Variants in TFDP2 observed in about 807,000 individuals in gnomAD.
The protein encoded by TFDP2 is transcription factor Dp-2.
In TFDP2, 17 loss-of-function variants were observed where a neutral mutation model predicts 59.3. The observed-to-expected ratio is 0.29, with a 90% confidence interval of 0.20 to 0.43. TFDP2 has a LOEUF of 0.43. Among genes scored for constraint, TFDP2 ranks in the 20% least tolerant of loss-of-function variants. TFDP2 has a pLI of 1.00. For missense variants in TFDP2, 391 were observed against 528.8 expected, an observed-to-expected ratio of 0.74 and a Z score of 2.56; for synonymous variants, 180 against 194.7, an observed-to-expected ratio of 0.92 and a Z score of 0.63.
At chr3:142,020,576 T>C (rs925332610) in intron 3 of TFDP2, among the ~76,000 whole-genome samples, 3 of 151,472 alleles carry the variant, frequency 2.0e-5, no homozygotes, top group African/African-American at 4.9e-5. Context: ...TCAGGCTCTG[T>C]AGGTCAACAG....
intron 6 of TFDP2, among the ~76,000 whole-genome samples, chr3:141,988,644 A>G (rs182171249): frequency 6.6e-5 from 10 of 150,858 alleles, no homozygotes; most frequent in African/African-American, 2.4e-4. Flanking sequence ...ATCTTGAAGA[A>G]CTGTTTTTAG....
chr3:142,135,570 G>C (rs1406573968), intron 1 of TFDP2, among the ~76,000 whole-genome samples: 1 of 151,890 alleles, frequency 6.6e-6, no homozygotes, highest in Non-Finnish European at 1.5e-5. Flanking sequence ...CCCACCCCAT[G>C]ACAGGCCCTG....
intron 4 of TFDP2, among the ~76,000 whole-genome samples, chr3:141,999,315 A>G (rs895993465): frequency 2.6e-5 from 4 of 152,262 alleles, no homozygotes; most frequent in African/African-American, 9.6e-5. Context: ...ACATATTAAC[A>G]TATGAAATAA....
At chr3:142,092,496 T>A (rs2108617725) in intron 3 of TFDP2, among the ~76,000 whole-genome samples, 1 of 152,162 alleles carries the variant, frequency 6.6e-6, no homozygotes, top group African/African-American at 2.4e-5. Flanking sequence ...CCGGCTAAGT[T>A]TTTGTAAAGA....
intron 4 of TFDP2, among the ~76,000 whole-genome samples, chr3:141,999,813 G>A (rs1252184320): frequency 6.6e-6 from 1 of 150,664 alleles, no homozygotes; most frequent in Non-Finnish European, 1.5e-5. Context: ...TCAGCTCACT[G>A]CAAGCTCCGC....
At chr3:142,018,602 A>G (rs1945328598) in intron 3 of TFDP2, among the ~76,000 whole-genome samples, 1 of 151,860 alleles carries the variant, frequency 6.6e-6, no homozygotes, top group African/African-American at 2.4e-5. Flanking sequence ...ACGCCACCAC[A>G]TCCAGCTAAT....
At chr3:142,015,540 G>C (rs1560035795) in intron 3 of TFDP2, among the ~76,000 whole-genome samples, 1 of 152,148 alleles carries the variant, frequency 6.6e-6, no homozygotes, top group Non-Finnish European at 1.5e-5. Flanking sequence ...AGTCCCGCAA[G>C]CTGGATCTTT....
Position 141,945,881 on chromosome 3 carries a change from G to A in TFDP2, c.*6632C>T, listed in dbSNP as rs1293949943. The A allele has an allele frequency of 6.6e-6, 1 of 152,236 alleles. No homozygotes were observed. Among genetic ancestry groups the A allele is most frequent in the Non-Finnish European group, 1.5e-5 (1 of 68,052 alleles). 9.4% of individuals were successfully genotyped at this position (152,236 alleles called of 1,614,324 possible). A position where few individuals can be genotyped will look rare whatever the true frequency, so the allele number is the denominator to read the frequency against. On this transcript the variant is annotated 3_prime_UTR_variant, in exon 13 of 13. Coordinates refer to ENST00000489671, the MANE Select transcript of TFDP2 (RefSeq NM_001178139.2). Reference sequence around the variant, plus strand: ...CAGCACCAGCTGGTGTGGTGTGGAAGGACCAGTTGGTCACTGAACTTCTTG... The same window carrying A: ...CAGCACCAGCTGGTGTGGTGTGGAAAGACCAGTTGGTCACTGAACTTCTTG...
intron 9 of TFDP2, among the ~76,000 whole-genome samples, chr3:141,966,347 AT>A (rs1229669280): frequency 6.6e-6 from 1 of 151,480 alleles, no homozygotes; most frequent in Non-Finnish European, 1.5e-5. Flanking sequence ...TAATTTTTGC[AT>A]TTTTAGTAGA....
chr3:142,049,085 A>AG (rs1176771781), intron 3 of TFDP2, among the ~76,000 whole-genome samples: 1 of 152,246 alleles, frequency 6.6e-6, no homozygotes, highest in Non-Finnish European at 1.5e-5. Context: ...CTCTGAAAAT[A>AG]GTGAGAGAAA....
intron 6 of TFDP2, among the ~76,000 whole-genome samples, chr3:141,981,623 T>C (rs902127804): frequency 1.9e-4 from 29 of 152,336 alleles, no homozygotes; most frequent in African/African-American, 7.0e-4. Flanking sequence ...TTTGAAATAA[T>C]GTGAAATCAC....
chr3:142,029,343 CT>C (rs200891038), intron 3 of TFDP2, among the ~76,000 whole-genome samples: 196 of 142,766 alleles, frequency 1.4e-3, no homozygotes, highest in Middle Eastern at 3.6e-3. Context: ...CTTAGTTGTG[CT>C]TTTTTTTTTT....
At chr3:141,973,974 T>A in intron 8 of TFDP2, 74 bp downstream of exon 8, 1 of 1,472,878 alleles carries the variant, frequency 6.8e-7, no homozygotes, top group Non-Finnish European at 9.2e-7. Context: ...ATATTAGAAT[T>A]ACATTTTTAA....
At chr3:142,124,150 A>G (rs1000321656) in intron 1 of TFDP2, among the ~76,000 whole-genome samples, 1 of 152,178 alleles carries the variant, frequency 6.6e-6, no homozygotes, top group Non-Finnish European at 1.5e-5. Flanking sequence ...ACGCAAAATC[A>G]TAACAATACT....
At chr3:142,011,602 G>GAAAAAAAAAAAAAAAAAAA (rs548076797) in intron 3 of TFDP2, among the ~76,000 whole-genome samples, 6 of 64,130 alleles carry the variant, frequency 9.4e-5, no homozygotes, top group Admixed American at 3.2e-4. Context: ...AAAAAAAAAA[G>GAAAAAAAAAAAAAAAAAAA]AAAAAAAAAA....
chr3:142,096,730 C>T (rs1363819972), intron 2 of TFDP2, among the ~76,000 whole-genome samples: 3 of 152,134 alleles, frequency 2.0e-5, no homozygotes, highest in African/African-American at 7.2e-5. Context: ...TGATATTCAA[C>T]ATTTCTGACT....
chr3:142,146,054 G>C (rs2063162101), intron 1 of TFDP2, among the ~76,000 whole-genome samples: 1 of 152,132 alleles, frequency 6.6e-6, no homozygotes, highest in East Asian at 1.9e-4. Context: ...GCCCTGCCTA[G>C]ACAGCATTTT....
At chr3:142,035,976 AG>A (rs1351124908) in intron 3 of TFDP2, among the ~76,000 whole-genome samples, 1 of 152,234 alleles carries the variant, frequency 6.6e-6, no homozygotes, top group African/African-American at 2.4e-5. Context: ...GACTTCTCAA[AG>A]TCCACATACT....
chr3:142,043,779 C>T (rs1947157520), intron 3 of TFDP2: 1 of 1,595,688 alleles, frequency 6.3e-7, no homozygotes, highest in Non-Finnish European at 8.6e-7. Flanking sequence ...TGTCTGCCTT[C>T]AGCTTGTGGA....
Sources: gnomAD v4.1 joint callset for allele counts (sites outside exome capture counted in the v4.1 genomes callset) on GRCh38, gnomAD v4.1.1 for gene constraint, MANE v1.5 for transcripts, NCBI Gene and HGNC (gene_info 2026-07-23, HGNC 2026-07-21) for gene names.